PIK3C2G: variants seen among roughly 807,000 people sequenced by gnomAD.
The protein encoded by PIK3C2G is phosphatidylinositol-4-phosphate 3-kinase catalytic subunit type 2 gamma.
Under a neutral mutation model 181.1 loss-of-function variants are expected in PIK3C2G, and 168 were observed. That is an observed-to-expected ratio of 0.93 (90% CI 0.82 to 1.05). PIK3C2G has a LOEUF of 1.05. Among genes scored for constraint, PIK3C2G ranks in the 50% least tolerant of loss-of-function variants. The pLI is 0.00. For synonymous variants in PIK3C2G, 573 were observed against 592.2 expected (o/e 0.97, Z 0.47); for missense variants, 1,869 against 1,732.8 (o/e 1.08, Z -1.40).
the PIK3C2G span, chr12:18,693,862 G>A: frequency 2.0e-6 from 3 of 1,532,854 alleles, no homozygotes; most frequent in Non-Finnish European, 2.7e-6. Flanking sequence ...AGACGAAGAA[G>A]CCCATCTTTC....
At chr12:18,491,252 C>G (rs1408596087) in intron 19 of PIK3C2G, among the ~76,000 whole-genome samples, 199 bp from the exon 20 acceptor site, 2 of 152,094 alleles carry the variant, frequency 1.3e-5, no homozygotes, top group African/African-American at 4.8e-5. Flanking sequence ...CTTAGTTTCC[C>G]ATTTCTCCAA....
intron 1 of PIK3C2G, among the ~76,000 whole-genome samples, chr12:18,250,851 C>A (rs1366097787): frequency 2.6e-5 from 4 of 151,944 alleles, no homozygotes; most frequent in Non-Finnish European, 5.9e-5. Flanking sequence ...ATTTGAATAG[C>A]ATTTCATGCC....
intron 18 of PIK3C2G, among the ~76,000 whole-genome samples, chr12:18,476,451 G>T (rs1050267162): frequency 2.0e-5 from 3 of 152,098 alleles, no homozygotes; most frequent in African/African-American, 4.8e-5. Context: ...CCCGGGGAAG[G>T]CTAGGTGATT....
At chr12:18,318,810 G>T (rs1459235645) in intron 6 of PIK3C2G, among the ~76,000 whole-genome samples, 2 of 145,964 alleles carry the variant, frequency 1.4e-5, no homozygotes, top group Admixed American at 6.8e-5. Flanking sequence ...AAAAAAAAAA[G>T]CAGGCCAGGA....
intron 6 of PIK3C2G, among the ~76,000 whole-genome samples, chr12:18,314,826 A>G (rs1950792379): frequency 6.6e-6 from 1 of 152,238 alleles, no homozygotes; most frequent in South Asian, 2.1e-4. Context: ...AGGCAAAAAA[A>G]TAACTTGTTT....
chr12:18,391,868 T>C (rs1236472792), intron 15 of PIK3C2G, among the ~76,000 whole-genome samples: 1 of 149,992 alleles, frequency 6.7e-6, no homozygotes, highest in Non-Finnish European at 1.5e-5. Flanking sequence ...TATCTCTTTG[T>C]GCGTGTATGT....
chr12:18,434,502 G>A (rs11044112), intron 18 of PIK3C2G, among the ~76,000 whole-genome samples: 21,579 of 152,028 alleles, frequency 0.14, 1,650 homozygotes, highest in African/African-American at 0.2. Context: ...GCATATAATT[G>A]TAGAATCATA....
chr12:18,262,614 CA>C (rs778968769), intron 1 of PIK3C2G, among the ~76,000 whole-genome samples: 240 of 95,088 alleles, frequency 2.5e-3, no homozygotes, highest in South Asian at 7.0e-3. Flanking sequence ...AGTGAGCTGA[CA>C]AAAAAAAAAA....
intron 11 of PIK3C2G, among the ~76,000 whole-genome samples, chr12:18,356,047 C>A (rs1940697406): frequency 6.6e-6 from 1 of 152,228 alleles, no homozygotes; most frequent in South Asian, 2.1e-4. Context: ...TGGCAAGAGG[C>A]CTTCAGTTTC....
the PIK3C2G span, among the ~76,000 whole-genome samples, chr12:18,654,410 AT>A: frequency 6.7e-6 from 1 of 148,778 alleles, no homozygotes; most frequent in African/African-American, 2.5e-5. Flanking sequence ...CTCTTAAAGT[AT>A]CAGCATTATT....
At chr12:18,390,694 ACT>A (rs1331075189) in intron 14 of PIK3C2G, among the ~76,000 whole-genome samples, 2 of 152,022 alleles carry the variant, frequency 1.3e-5, no homozygotes, top group Admixed American at 6.6e-5. Flanking sequence ...ATATAGATTA[ACT>A]CTATTTTTTC....
intron 11 of PIK3C2G, among the ~76,000 whole-genome samples, chr12:18,347,933 ACTAT>A (rs1014494715): frequency 6.6e-5 from 10 of 151,922 alleles, no homozygotes; most frequent in African/African-American, 2.4e-4. Context: ...TATAAAAAAC[ACTAT>A]CTACACACAT....
intron 18 of PIK3C2G, among the ~76,000 whole-genome samples, chr12:18,466,716 T>C (rs529321282): frequency 6.6e-6 from 1 of 152,000 alleles, no homozygotes; most frequent in South Asian, 2.1e-4. Context: ...GTTCAATAAA[T>C]AGCACATAGG....
At chr12:18,668,483 C>A in the PIK3C2G span, among the ~76,000 whole-genome samples, 1 of 152,156 alleles carries the variant, frequency 6.6e-6, no homozygotes, top group Non-Finnish European at 1.5e-5. Context: ...ACTGCAGGGA[C>A]CACTAACCTG....
At chr12:18,704,792 C>T in the PIK3C2G span, among the ~76,000 whole-genome samples, 4 of 152,070 alleles carry the variant, frequency 2.6e-5, no homozygotes, top group African/African-American at 9.7e-5. Flanking sequence ...GGGGAACTTG[C>T]TACCCAGCTG....
At chr12:18,578,173 T>A (rs1946325640) in intron 29 of PIK3C2G, among the ~76,000 whole-genome samples, 1 of 152,190 alleles carries the variant, frequency 6.6e-6, no homozygotes, top group African/African-American at 2.4e-5. Context: ...TCTGGGAAAC[T>A]CTACCCCAGA....
chr12:18,371,285 G>T lies in PIK3C2G; in HGVS notation c.1854G>T (p.Trp618Cys), dbSNP rs1268926015. The change falls in exon 13 of 33, where the codon TGG becomes TGT. Residue 618 changes from tryptophan to cysteine, a missense_variant. By Grantham distance (215) the Trp-to-Cys change is radical. Coordinates refer to ENST00000538779, the MANE Select transcript of PIK3C2G (RefSeq NM_001288772.2). ...CCAACAATGCAAATTTACTGGCGTGGACTTGTCTTCCACTGTTTCCAAAAG... is the reference window on the plus strand; with the variant it reads ...CCAACAATGCAAATTTACTGGCGTGTACTTGTCTTCCACTGTTTCCAAAAG... ...CATNNANLLAWTCLPLFPKEK... is the reference protein window; with the variant it reads ...CATNNANLLACTCLPLFPKEK... 5 of 1,611,108 alleles carry T rather than the reference G, an allele frequency of 3.1e-6. No homozygotes were observed. The highest frequency in any genetic ancestry group is 1.7e-5 in the Admixed American group (1 of 59,628).
At chr12:18,381,359 G>A (rs1282869505) in intron 13 of PIK3C2G, among the ~76,000 whole-genome samples, 1 of 151,368 alleles carries the variant, frequency 6.6e-6, no homozygotes, top group Non-Finnish European at 1.5e-5. Flanking sequence ...AGGGGATTTA[G>A]TCACTCCATG....
At chr12:18,636,480 C>T (rs1238719837) in intron 31 of PIK3C2G, among the ~76,000 whole-genome samples, 1 of 152,112 alleles carries the variant, frequency 6.6e-6, no homozygotes, top group Non-Finnish European at 1.5e-5. Flanking sequence ...ATCCACCCAC[C>T]TCGGCCTCCC....
Sources: allele counts gnomAD v4.1 joint callset (sites outside exome capture counted in the v4.1 genomes callset), GRCh38; gene constraint gnomAD v4.1.1; transcripts MANE v1.5; gene names NCBI Gene and HGNC (gene_info 2026-07-23, HGNC 2026-07-21).